The following KCNT2 variants were observed in gnomAD, a reference collection of about 807,000 sequenced individuals.
KCNT2 encodes the protein potassium sodium-activated channel subfamily T member 2, also known as potassium channel subfamily T member 2.
KCNT2 carries 67 observed loss-of-function variants against 153.8 expected under a neutral mutation model. The observed-to-expected ratio is 0.44, with a 90% CI of 0.36 to 0.53. The LOEUF (loss-of-function observed/expected upper bound fraction) is 0.53, where lower values mean the gene tolerates loss of function less well. Among genes scored for constraint, KCNT2 ranks in the 20% least tolerant of loss-of-function variants. The probability of loss-of-function intolerance (pLI) is 0.00; values close to 1 mark genes in which losing one functional copy is unlikely to be tolerated. For synonymous variants in KCNT2, 500 were observed against 458.8 expected, an observed-to-expected ratio of 1.09 and a Z score of -1.15; for missense variants, 975 against 1,354.8, an observed-to-expected ratio of 0.72 and a Z score of 4.40.
chr1:196,297,813 A>C (rs1558116230), intron 22 of KCNT2, among the ~76,000 whole-genome samples: 1 of 152,210 alleles, frequency 6.6e-6, no homozygotes, highest in African/African-American at 2.4e-5. Flanking sequence ...TTGTCTGGAC[A>C]GAAAAAATTA....
At position 196,311,544 on chromosome 1, in the gene KCNT2, C is replaced by A. The variant is rs115553531; in HGVS notation, c.2483+4348G>T. Among the ~76,000 whole-genome samples, 567 of 151,966 alleles carry A rather than the reference C, an allele frequency of 3.7e-3. 3 individuals carry two copies. The highest frequency in any genetic ancestry group is 0.012 in the African/African-American group (515 of 41,514). On this transcript the variant is annotated intron_variant, in intron 21 of 27. Coordinates refer to ENST00000294725, the MANE Select transcript of KCNT2 (RefSeq NM_198503.5). The stretch of plus-strand genomic sequence containing the variant: ...AAAAGCAAAAACAGCAACCAAAAAT[C>A]TTTGTATTAAAACAAAATCAACCCA...
intron 1 of KCNT2, among the ~76,000 whole-genome samples, chr1:196,581,440 T>A (rs1233472766): frequency 2.0e-5 from 3 of 152,102 alleles, no homozygotes; most frequent in Admixed American, 2.0e-4. Context: ...AAACATTAAA[T>A]TTAATAAAGG....
Position 196,590,135 on chromosome 1 carries a change from C to T in KCNT2, c.95+18080G>A, listed in dbSNP as rs1663167856. 1.3e-5 allele frequency among the ~76,000 whole-genome samples: 2 copies of T among 152,116 alleles called. 1 individual carries two copies. Among genetic ancestry groups the T allele is most frequent in the Admixed American group, 1.3e-4 (2 of 15,256 alleles). ...AATGCAAAGTAAACACACTGTGACC[C>T]TCTAGTCTTTGGGAAATCACCAAAA... is the stretch of plus-strand genomic sequence containing the variant. On this transcript the variant is annotated intron_variant, in intron 1 of 27. Transcript: ENST00000294725.
At chr1:196,328,627 C>T (rs1218123561) in intron 18 of KCNT2, among the ~76,000 whole-genome samples, 1 of 146,434 alleles carries the variant, frequency 6.8e-6, no homozygotes, top group Non-Finnish European at 1.5e-5. Context: ...CCTTAAAGTG[C>T]TAAAAGAAAA....
chr1:196,454,941 G>A (rs922351001), intron 8 of KCNT2, among the ~76,000 whole-genome samples: 6 of 151,960 alleles, frequency 3.9e-5, no homozygotes, highest in Non-Finnish European at 5.9e-5. Context: ...GTCCACTCAT[G>A]TTGTATGCAG....
At chr1:196,461,217 G>A (rs1677121514) in intron 8 of KCNT2, among the ~76,000 whole-genome samples, 1 of 151,542 alleles carries the variant, frequency 6.6e-6, no homozygotes, top group Non-Finnish European at 1.5e-5. Flanking sequence ...GTTTAAATAG[G>A]TTTTAATCGA....
intron 1 of KCNT2, among the ~76,000 whole-genome samples, chr1:196,593,755 C>T (rs1437144900): frequency 1.3e-5 from 2 of 152,028 alleles, no homozygotes; most frequent in Non-Finnish European, 2.9e-5. Flanking sequence ...AAAGATATGA[C>T]TTTCTACACA....
At chr1:196,383,461 A>T (rs1344441190) in intron 13 of KCNT2, among the ~76,000 whole-genome samples, 1 of 152,174 alleles carries the variant, frequency 6.6e-6, no homozygotes, top group Non-Finnish European at 1.5e-5. Flanking sequence ...AAGTCTGTGG[A>T]ATGAAACTGG....
intron 13 of KCNT2, among the ~76,000 whole-genome samples, chr1:196,391,417 A>T (rs1558234125): frequency 6.6e-6 from 1 of 151,476 alleles, no homozygotes; most frequent in African/African-American, 2.4e-5. Context: ...CAGACTAAAT[A>T]CCATAGGCAT....
At chr1:196,448,419 G>A (rs902193342) in intron 8 of KCNT2, among the ~76,000 whole-genome samples, 4 of 151,470 alleles carry the variant, frequency 2.6e-5, no homozygotes, top group Non-Finnish European at 5.9e-5. Context: ...TGAAATTCCT[G>A]ACTTCTGCAA....
chr1:196,398,285 T>C (rs1309219796), intron 13 of KCNT2, among the ~76,000 whole-genome samples: 1 of 151,490 alleles, frequency 6.6e-6, no homozygotes. Context: ...ATAAATCTAC[T>C]ACTGCTAATA....
At chr1:196,329,503 T>C (rs1040109182) in intron 18 of KCNT2, among the ~76,000 whole-genome samples, 1 of 151,950 alleles carries the variant, frequency 6.6e-6, no homozygotes, top group Admixed American at 6.6e-5. Flanking sequence ...CACTTTTTTG[T>C]CTCCTAATAT....
At chr1:196,278,879 G>T (rs1287344932) in intron 25 of KCNT2, among the ~76,000 whole-genome samples, 1 of 152,138 alleles carries the variant, frequency 6.6e-6, no homozygotes, top group Non-Finnish European at 1.5e-5. Flanking sequence ...CCTCAATGTT[G>T]ATGATATTTG....
intron 25 of KCNT2, among the ~76,000 whole-genome samples, chr1:196,266,579 G>A (rs1657563654): frequency 6.6e-6 from 1 of 152,038 alleles, no homozygotes; most frequent in Admixed American, 6.6e-5. Context: ...AGAATCACAT[G>A]CATTTTCTGT....
chr1:196,294,642 T>A (rs1188417346), intron 22 of KCNT2, among the ~76,000 whole-genome samples: 1 of 152,088 alleles, frequency 6.6e-6, no homozygotes, highest in Non-Finnish European at 1.5e-5. Context: ...CAATAAGTAA[T>A]CTCACTTCTG....
At chr1:196,501,494 G>A (rs780878946) in intron 1 of KCNT2, among the ~76,000 whole-genome samples, 2 of 152,162 alleles carry the variant, frequency 1.3e-5, no homozygotes, top group Non-Finnish European at 2.9e-5. Context: ...CCTAGAAACA[G>A]AAAGTCATAT....
At chr1:196,301,636 C>T (rs1168989579) in intron 22 of KCNT2, among the ~76,000 whole-genome samples, 1 of 152,178 alleles carries the variant, frequency 6.6e-6, no homozygotes, top group African/African-American at 2.4e-5. Flanking sequence ...CATTCCACAC[C>T]TATCCCTATA....
At chr1:196,591,449 C>T (rs1424113917) in intron 1 of KCNT2, among the ~76,000 whole-genome samples, 1 of 152,044 alleles carries the variant, frequency 6.6e-6, no homozygotes, top group Non-Finnish European at 1.5e-5. Context: ...TGTCATATAC[C>T]ACCCCCGCAC....
intron 13 of KCNT2, among the ~76,000 whole-genome samples, chr1:196,381,826 G>A (rs908017688): frequency 6.6e-6 from 1 of 152,096 alleles, no homozygotes. Context: ...TTGAGAGAAC[G>A]TAGGCAAATT....
Sources: gnomAD v4.1 joint callset for allele counts (sites outside exome capture counted in the v4.1 genomes callset) on GRCh38, gnomAD v4.1.1 for gene constraint, MANE v1.5 for transcripts, NCBI Gene and HGNC (gene_info 2026-07-23, HGNC 2026-07-21) for gene names.